The following VWA3A variants were observed in gnomAD, a reference collection of about 807,000 sequenced individuals.
VWA3A encodes the protein von Willebrand factor A domain containing 3A.
In VWA3A, 134 loss-of-function variants were observed where a neutral mutation model predicts 160.4. The ratio of observed to expected loss-of-function variants is 0.84; its 90% CI spans 0.73 to 0.96. The LOEUF is 0.96. Ranked by LOEUF, VWA3A falls within the 40% of genes least tolerant of loss-of-function variation. The pLI is 0.00. For synonymous variants in VWA3A, 476 were observed against 543.4 expected (o/e 0.88, Z 1.72); for missense variants, 1,310 against 1,447.9 (o/e 0.90, Z 1.55).
Position 22,156,106 on chromosome 16 carries a change from C to T in VWA3A, c.*89C>T. The T allele has an allele frequency of 1.6e-6, 1 of 623,610 alleles. No individual in the cohort carries two copies. The highest frequency in any genetic ancestry group is 3.0e-5 in the Admixed American group (1 of 32,820). 38.6% of individuals were successfully genotyped at this position (623,610 alleles called of 1,614,324 possible). On this transcript the variant is annotated 3_prime_UTR_variant, in exon 34 of 34. Transcript: ENST00000389398. ...GGCAGGATGGGATGAAATGCTGTGA[C>T]CTGCAGGAAACATGATTCCTGGTAC...
At position 22,146,337 on chromosome 16, in the gene VWA3A, G is replaced by A; in HGVS notation, c.2832G>A (p.Leu944=). The A allele has an allele frequency of 1.2e-6, 2 of 1,612,642 alleles. No individual in the cohort carries two copies. The highest frequency in any genetic ancestry group is 1.1e-5 in the South Asian group (1 of 90,936). The change falls in exon 27 of 34, where the codon CTG becomes CTA. Residue 944 remains leucine (L), a synonymous_variant. Transcript: ENST00000389398. ...GCTATGTCCAGAGGCTGCAGTGGCTGCTGTCCGGTGAGCCTGCCCACTGCC... is the reference window on the plus strand; with the variant it reads ...GCTATGTCCAGAGGCTGCAGTGGCTACTGTCCGGTGAGCCTGCCCACTGCC... ...LRRYVQRLQW[L]LSGSRRLFGT... is the part of the protein sequence containing the mutation.
intron 23 of VWA3A, 130 bp downstream of exon 23, chr16:22,140,374 G>A (rs2046124644): frequency 1.3e-6 from 1 of 787,252 alleles, no homozygotes; most frequent in Non-Finnish European, 2.1e-6. Context: ...TTTGGAGGCT[G>A]AGGTGGAAGG....
intron 7 of VWA3A, 113 bp from the exon 8 acceptor site, chr16:22,110,775 C>T (rs2045541775): frequency 6.5e-6 from 6 of 926,382 alleles, no homozygotes; most frequent in African/African-American, 1.7e-5. Context: ...TCGAGCAGCC[C>T]TATTCAGTAC....
At chr16:22,119,613 T>C (rs1332635638) in intron 12 of VWA3A, among the ~76,000 whole-genome samples, 1 of 152,208 alleles carries the variant, frequency 6.6e-6, no homozygotes, top group East Asian at 1.9e-4. Context: ...GAGGCTGCAG[T>C]GAGCCATGAT....
chr16:22,127,620 C>T (rs974869953), intron 17 of VWA3A, among the ~76,000 whole-genome samples: 1 of 152,098 alleles, frequency 6.6e-6, no homozygotes, highest in Admixed American at 6.6e-5. Context: ...CCTTAATAAA[C>T]TCTATATAAA....
chr16:22,102,946 G>A (rs751712906), intron 5 of VWA3A, among the ~76,000 whole-genome samples: 15 of 152,258 alleles, frequency 9.9e-5, no homozygotes, highest in African/African-American at 2.6e-4. Context: ...CCACCAAACC[G>A]TTGTCATTTA....
chr16:22,097,926 A>G (rs1436372091), intron 3 of VWA3A, among the ~76,000 whole-genome samples: 2 of 152,218 alleles, frequency 1.3e-5, no homozygotes, highest in African/African-American at 4.8e-5. Context: ...ATTCAGGAGC[A>G]TGTGAAGACT....
At chr16:22,135,736 A>G (rs1442174687) in intron 21 of VWA3A, among the ~76,000 whole-genome samples, 1 of 152,018 alleles carries the variant, frequency 6.6e-6, no homozygotes, top group East Asian at 1.9e-4. Flanking sequence ...TGTCCTTCCC[A>G]TCCCAGACCT....
chr16:22,128,464 G>A (rs6497571), intron 17 of VWA3A, among the ~76,000 whole-genome samples: 79,124 of 152,044 alleles, frequency 0.52, 24,993 homozygotes, highest in African/African-American at 0.87. Flanking sequence ...AGAAAAAGGA[G>A]CACTTACACA....
At position 22,129,473 on chromosome 16, in the gene VWA3A, T is replaced by C. The variant is rs189790682; in HGVS notation, c.1653-1732T>C. The stretch of plus-strand genomic sequence containing the variant: ...GGGAGTTAGAATCTACAGAATGTCA[T>C]CACTGGCTGTAGGGGGTGAAAGAAT... On this transcript the variant is annotated intron_variant, in intron 17 of 33. Transcript: ENST00000389398. Among the ~76,000 whole-genome samples, 444 of 151,432 alleles carry C rather than the reference T, an allele frequency of 2.9e-3. 1 individual carries two copies. The highest frequency in any genetic ancestry group is 0.01 in the African/African-American group (427 of 41,290).
rs2046291160 is a variant in VWA3A, at chr16:22,148,284, C to T, written c.2962C>T (p.Gln988Ter). The T allele has an allele frequency of 3.8e-6, 6 of 1,597,260 alleles. No homozygotes were observed. Among genetic ancestry groups the T allele is most frequent in the South Asian group, 2.3e-5 (2 of 87,788 alleles). Residue 988 changes from glutamine (Q) to a stop codon, truncating the protein, a stop_gained, in exon 28 of 34, where the codon CAG becomes TAG. Transcript: ENST00000389398. LOFTEE classifies it high-confidence loss of function. ...AGAGCTGGTTTTGCTGATTTGGGAA[C>T]AGCTGCGGAAGTGCTGTGACAGGTA... ...KTELVLLIWE[Q>*]LRKCCDSFNL...
intron 5 of VWA3A, 58 bp downstream of exon 5, chr16:22,100,551 C>A: frequency 6.7e-7 from 1 of 1,502,476 alleles, no homozygotes; most frequent in South Asian, 1.2e-5. Flanking sequence ...TATGTCATTT[C>A]AGTCCGGGCA....
intron 14 of VWA3A, among the ~76,000 whole-genome samples, chr16:22,122,284 G>C (rs138463281): frequency 0.023 from 2,866 of 125,436 alleles, 72 homozygotes; most frequent in African/African-American, 0.091. Context: ...TGGATGGGTG[G>C]ATGGATGGAT....
intron 17 of VWA3A, among the ~76,000 whole-genome samples, chr16:22,129,402 A>AAGAAAGAAAGAAAGAAAG (rs1555458651): frequency 1.7e-5 from 2 of 118,980 alleles, no homozygotes; most frequent in African/African-American, 8.1e-5. Flanking sequence ...AAAAAAAAAA[A>AAGAAAGAAAGAAAGAAAG]AAAGAAAGAA....
At chr16:22,118,787 T>C in intron 11 of VWA3A, 115 bp from the exon 12 acceptor site, 1 of 1,402,292 alleles carries the variant, frequency 7.1e-7, no homozygotes, top group Non-Finnish European at 9.8e-7. Context: ...TAAGGCCTGG[T>C]GGAGAGAGTC....
At chr16:22,136,272 C>A (rs2046038303) in intron 21 of VWA3A, among the ~76,000 whole-genome samples, 1 of 152,008 alleles carries the variant, frequency 6.6e-6, no homozygotes, top group Non-Finnish European at 1.5e-5. Flanking sequence ...ACAAACTGAC[C>A]CCCACGCTCC....
In VWA3A at chr16:22,138,373, T is replaced by C; in HGVS notation, c.2153T>C (p.Met718Thr). 7 of 1,595,782 alleles carry C rather than the reference T, an allele frequency of 4.4e-6. No homozygotes were observed. Among genetic ancestry groups the C allele is most frequent in the East Asian group, 2.3e-5 (1 of 44,126 alleles). ...LNYSQKCAFLMASLKNHSGKV... is the reference protein window; with the variant it reads ...LNYSQKCAFLTASLKNHSGKV... ...ATCCCACTGCAGTGTGCCTTCCTCATGGCCTCCCTGAAGAACCATTCAGGA... is the reference window on the plus strand; with the variant it reads ...ATCCCACTGCAGTGTGCCTTCCTCACGGCCTCCCTGAAGAACCATTCAGGA... The change falls in exon 22 of 34, where the codon ATG (methionine) becomes ACG (threonine). Residue 718 changes from methionine (M) to threonine (T), a missense_variant. By Grantham distance (81) the Met-to-Thr change is moderately conservative (BLOSUM62 -1). Transcript: ENST00000389398.
intron 31 of VWA3A, 52 bp from the exon 32 acceptor site, chr16:22,155,515 A>G: frequency 1.3e-6 from 2 of 1,553,008 alleles, no homozygotes; most frequent in Non-Finnish European, 1.8e-6. Context: ...GAGATTTTGG[A>G]TTTTCAGCTC....
At chr16:22,136,944 C>T (rs1341092806) in intron 21 of VWA3A, among the ~76,000 whole-genome samples, 46 of 151,734 alleles carry the variant, frequency 3.0e-4, no homozygotes, top group Admixed American at 3.0e-3. Flanking sequence ...TGTGGTGGTG[C>T]GCACCTGTAA....
Sources: gnomAD v4.1 joint callset for allele counts (sites outside exome capture counted in the v4.1 genomes callset) on GRCh38, gnomAD v4.1.1 for gene constraint, MANE v1.5 for transcripts, NCBI Gene and HGNC (gene_info 2026-07-23, HGNC 2026-07-21) for gene names.